The following SIRT1 variants were observed in gnomAD, a reference collection of about 807,000 sequenced individuals.
SIRT1 encodes the protein NAD-dependent protein deacetylase sirtuin-1.
Under a neutral mutation model 67.9 loss-of-function variants are expected in SIRT1, and 24 were observed. The observed-to-expected ratio is 0.35, with a 90% CI of 0.26 to 0.50. The LOEUF (loss-of-function observed/expected upper bound fraction) is 0.50. Ranked by LOEUF, SIRT1 falls within the 20% of genes least tolerant of loss-of-function variation. The pLI, the probability that SIRT1 is intolerant of heterozygous loss-of-function variation, is 0.98. For missense variants in SIRT1, 873 were observed against 937.2 expected (o/e 0.93, Z 0.89); for synonymous variants, 378 against 350.7 (o/e 1.08, Z -0.87).
intron 4 of SIRT1, among the ~76,000 whole-genome samples, chr10:67,894,015 C>T (rs1233205570): frequency 6.6e-6 from 1 of 152,118 alleles, no homozygotes; most frequent in African/African-American, 2.4e-5. Context: ...TAGCTCGTGC[C>T]TATAATCCCA....
chr10:67,914,825 A>G (rs2029872975), intron 8 of SIRT1, among the ~76,000 whole-genome samples: 1 of 148,258 alleles, frequency 6.7e-6, no homozygotes, highest in African/African-American at 2.5e-5. Flanking sequence ...CTCCTGCCTC[A>G]CTCTCCAGAG....
In SIRT1 at chr10:67,909,663, C is replaced by T. The variant is rs35662089; in HGVS notation, c.1357+221C>T. 1.3e-3 allele frequency among the ~76,000 whole-genome samples: 192 copies of T among 152,062 alleles called. 1 individual carries two copies. Among genetic ancestry groups the T allele is most frequent in the African/African-American group, 4.5e-3 (187 of 41,490 alleles). ...TATCTTGGCTCACTGCAACCTCCGC[C>T]TCCCGGGTTCAAGCGATTCTTCTGC... On this transcript the variant is annotated intron_variant, in intron 7 of 8. Coordinates refer to ENST00000212015, the MANE Select transcript of SIRT1 (RefSeq NM_012238.5).
chr10:67,895,747 TG>T (rs71006182), intron 4 of SIRT1, among the ~76,000 whole-genome samples: 28,797 of 71,750 alleles, frequency 0.4, 8,687 homozygotes, highest in Non-Finnish European at 0.51. Context: ...TTTTTTTTTT[TG>T]TTTTTTTTTT....
chr10:67,893,395 G>A (rs1842604228), intron 4 of SIRT1, among the ~76,000 whole-genome samples: 1 of 152,172 alleles, frequency 6.6e-6, no homozygotes, highest in African/African-American at 2.4e-5. Flanking sequence ...AGGACATGTG[G>A]TGTTTGGTTT....
At chr10:67,902,395 T>A (rs1385056455) in intron 4 of SIRT1, among the ~76,000 whole-genome samples, 1 of 152,166 alleles carries the variant, frequency 6.6e-6, no homozygotes, top group Non-Finnish European at 1.5e-5. Context: ...TTTAAATGAC[T>A]GGGGAAAAAA....
Position 67,888,890 on chromosome 10 carries a change from AC to A in SIRT1, c.557del (p.Thr186IlefsTer8), listed in dbSNP as rs1235958345. ...WTPRPRIGPY[T>X]FVQQHLMIGT... is the part of the protein sequence containing the mutation. The stretch of plus-strand genomic sequence containing the variant: ...TTTCCCCCTTATTGTAGGTCCATAT[AC>A]TTTTGTTCAGCAACATCTTATGATT... On this transcript the variant is annotated frameshift_variant, in exon 3 of 9. Transcript: ENST00000212015. LOFTEE classifies it high-confidence loss of function. 6.2e-7 allele frequency: 1 copy of A among 1,610,488 alleles called. No individual in the cohort carries two copies. Among genetic ancestry groups the A allele is most frequent in the Non-Finnish European group, 8.5e-7 (1 of 1,177,786 alleles).
chr10:67,894,990 C>G (rs1387828763), intron 4 of SIRT1, among the ~76,000 whole-genome samples: 1 of 151,552 alleles, frequency 6.6e-6, no homozygotes, highest in Non-Finnish European at 1.5e-5. Context: ...GCCACAATGT[C>G]CAGCTGATAA....
Position 67,917,877 on chromosome 10 carries a change from A to G in SIRT1, c.*1284A>G, listed in dbSNP as rs199962286. The G allele has an allele frequency of 1.7e-4, 26 of 152,580 alleles. No individual in the cohort carries two copies. The highest frequency in any genetic ancestry group is 6.0e-4 in the African/African-American group (25 of 41,468). 9.5% of individuals were successfully genotyped at this position (152,580 alleles called of 1,614,324 possible). A position where few individuals can be genotyped will look rare whatever the true frequency, so the allele number is the denominator to read the frequency against. Reference sequence around the variant, plus strand: ...TTTCAAGAAGTTCATACTTTATGAAATTGCACAGTAAGCATTTATTTTTCA... The same window carrying G: ...TTTCAAGAAGTTCATACTTTATGAAGTTGCACAGTAAGCATTTATTTTTCA... On this transcript the variant is annotated 3_prime_UTR_variant, in exon 9 of 9. Coordinates refer to ENST00000212015, the MANE Select transcript of SIRT1 (RefSeq NM_012238.5).
intron 8 of SIRT1, among the ~76,000 whole-genome samples, chr10:67,915,931 A>C (rs1305128910): frequency 2.0e-5 from 3 of 152,226 alleles, no homozygotes; most frequent in Admixed American, 2.0e-4. Context: ...ACACTTACAA[A>C]GATACAATAA....
At chr10:67,915,081 A>G (rs1381886792) in intron 8 of SIRT1, among the ~76,000 whole-genome samples, 2 of 151,942 alleles carry the variant, frequency 1.3e-5, no homozygotes, top group Non-Finnish European at 1.5e-5. Context: ...AGAGGGAAAT[A>G]AGTGGTTTTC....
At chr10:67,891,333 T>C (rs1842570542) in intron 3 of SIRT1, 69 bp from the exon 4 acceptor site, 9 of 1,412,536 alleles carry the variant, frequency 6.4e-6, no homozygotes, top group Non-Finnish European at 7.8e-6. Flanking sequence ...AATTATATGG[T>C]AAGAGAGCTA....
intron 4 of SIRT1, among the ~76,000 whole-genome samples, chr10:67,893,841 C>T (rs373933379): frequency 5.3e-5 from 8 of 152,226 alleles, no homozygotes; most frequent in South Asian, 2.1e-4. Flanking sequence ...CCGCGCCCCG[C>T]GCCCTGCCGA....
intron 2 of SIRT1, among the ~76,000 whole-genome samples, chr10:67,888,387 G>C (rs981789306): frequency 5.9e-5 from 9 of 152,084 alleles, no homozygotes; most frequent in African/African-American, 1.9e-4. Flanking sequence ...TTAGTTCTCA[G>C]AACATCAACA....
intron 7 of SIRT1, among the ~76,000 whole-genome samples, chr10:67,909,946 A>G (rs1394883216): frequency 6.6e-6 from 1 of 152,088 alleles, no homozygotes. Flanking sequence ...TCCTGGGCTC[A>G]AGTGATCCTC....
rs556007127 is a variant in SIRT1 at position 67,886,574 on chromosome 10, A to G, written c.431-843A>G. Among the ~76,000 whole-genome samples the G allele has an allele frequency of 7.0e-3, 1,056 of 151,348 alleles. 9 individuals are homozygous for G. Among genetic ancestry groups the G allele is most frequent in the African/African-American group, 0.024 (982 of 41,164 alleles). On this transcript the variant is annotated intron_variant, in intron 1 of 8. Coordinates refer to ENST00000212015, the MANE Select transcript of SIRT1 (RefSeq NM_012238.5). ...CCGTCTCAAAAAAAAAAAAAAAAAAAAGTAATATGTGTTTTTAGGGACTGA... is the reference window on the plus strand; with the variant it reads ...CCGTCTCAAAAAAAAAAAAAAAAAAGAGTAATATGTGTTTTTAGGGACTGA...
At chr10:67,887,831 C>T (rs1034426637) in intron 2 of SIRT1, among the ~76,000 whole-genome samples, 2 of 152,240 alleles carry the variant, frequency 1.3e-5, no homozygotes, top group African/African-American at 4.8e-5. Flanking sequence ...CCGCCTGGGC[C>T]TCCCAAAGTG....
intron 4 of SIRT1, among the ~76,000 whole-genome samples, chr10:67,903,161 A>G (rs552951405): frequency 9.2e-5 from 14 of 152,150 alleles, no homozygotes; most frequent in South Asian, 6.2e-4. Flanking sequence ...TGGCACGATC[A>G]TAGAGTACTA....
Position 67,885,093 on chromosome 10 carries a change from C to G in SIRT1, c.372C>G (p.Asp124Glu). 7.0e-7 allele frequency: 1 copy of G among 1,429,156 alleles called. No individual in the cohort carries two copies. The highest frequency in any genetic ancestry group is 9.2e-7 in the Non-Finnish European group (1 of 1,083,442). 88.5% of individuals were successfully genotyped at this position (1,429,156 alleles called of 1,614,324 possible). The change falls in exon 1 of 9, where the codon GAC becomes GAG. Residue 124 changes from aspartate to glutamate, a missense_variant. Around this residue, in one of 3 missense-constraint regions of SIRT1, gnomAD observed 327 missense variants for 283.9 expected, o/e 1.15. Transcript: ENST00000212015. ...PPLADNLYDE[D>E]DDDEGEEEEE... ...TGGCCGACAACTTGTACGACGAAGA[C>G]GACGACGACGAGGGCGAGGAGGAGG...
Position 67,884,974 on chromosome 10 carries a change from G to T in SIRT1, c.253G>T (p.Ala85Ser). 1 of 1,267,338 alleles carries T rather than the reference G, an allele frequency of 7.9e-7. No individual in the cohort carries two copies. Among genetic ancestry groups the T allele is most frequent in the Non-Finnish European group, 9.9e-7 (1 of 1,005,294 alleles). The allele number at this position is 1,267,338 out of a possible 1,614,324, so 78.5% of individuals were successfully genotyped here. A position where few individuals can be genotyped will look rare whatever the true frequency, so the allele number is the denominator to read the frequency against. The change falls in exon 1 of 9, where the codon GCG (alanine) becomes TCG (serine). Residue 85 changes from alanine to serine, a missense_variant. Physicochemically the swap from Ala to Ser is moderately conservative, Grantham distance 99. Around this residue, in one of 3 missense-constraint regions of SIRT1, gnomAD observed 327 missense variants for 283.9 expected, o/e 1.15. Transcript: ENST00000212015. Reference protein sequence around the residue: ...LWREAEAEAAAAGGEQEAQAT... With the variant: ...LWREAEAEAASAGGEQEAQAT... The stretch of plus-strand genomic sequence containing the variant: ...GCGGGAGGCGGAGGCAGAGGCGGCG[G>T]CGGCAGGCGGGGAGCAAGAGGCCCA...
Sources: gnomAD v4.1 joint callset for allele counts (sites outside exome capture counted in the v4.1 genomes callset) on GRCh38, gnomAD v4.1.1 for gene constraint, gnomAD v4.1.1 regional missense constraint, MANE v1.5 for transcripts, NCBI Gene and HGNC (gene_info 2026-07-23, HGNC 2026-07-21) for gene names.